Variants in EXT2 observed in about 807,000 individuals in gnomAD.
The protein encoded by EXT2 is exostosin glycosyltransferase 2.
A neutral mutation model predicts 81.6 loss-of-function variants in EXT2; 53 were observed. The ratio of observed to expected loss-of-function variants is 0.65; its 90% CI spans 0.52 to 0.82. The LOEUF (loss-of-function observed/expected upper bound fraction) is 0.82, where lower values mean the gene tolerates loss of function less well. Ranked by LOEUF, EXT2 falls within the 40% of genes least tolerant of loss-of-function variation. The pLI, the probability that EXT2 is intolerant of heterozygous loss-of-function variation, is 0.00. For synonymous variants in EXT2, 320 were observed against 340.0 expected (o/e 0.94, Z 0.65); for missense variants, 774 against 910.2 (o/e 0.85, Z 1.93).
intron 10 of EXT2, among the ~76,000 whole-genome samples, chr11:44,224,735 T>C (rs1214375270): frequency 6.6e-6 from 1 of 152,236 alleles, no homozygotes; most frequent in East Asian, 1.9e-4. Flanking sequence ...AAAGGGGATA[T>C]GCTGTAGTGT....
intron 10 of EXT2, among the ~76,000 whole-genome samples, chr11:44,221,226 C>T (rs1955778599): frequency 6.6e-6 from 1 of 152,074 alleles, no homozygotes; most frequent in African/African-American, 2.4e-5. Flanking sequence ...CCAAGCAGCC[C>T]TAGTGAGGAA....
intron 8 of EXT2, among the ~76,000 whole-genome samples, chr11:44,196,581 T>G (rs1055419052): frequency 6.6e-6 from 1 of 152,168 alleles, no homozygotes; most frequent in Non-Finnish European, 1.5e-5. Flanking sequence ...AATCCTGACC[T>G]TTTTTCCCCC....
chr11:44,127,817 T>C (rs1954431260), intron 6 of EXT2, among the ~76,000 whole-genome samples: 1 of 152,210 alleles, frequency 6.6e-6, no homozygotes, highest in Non-Finnish European at 1.5e-5. Context: ...TGAATTTGCA[T>C]AATGTTGTAG....
intron 6 of EXT2, among the ~76,000 whole-genome samples, chr11:44,128,369 T>C (rs1015647953): frequency 1.3e-5 from 2 of 152,182 alleles, no homozygotes; most frequent in East Asian, 3.9e-4. Flanking sequence ...TCTTCATGCC[T>C]TAGAGAAGCG....
chr11:44,140,784 C>A (rs983142660), intron 7 of EXT2, among the ~76,000 whole-genome samples: 11 of 152,168 alleles, frequency 7.2e-5, no homozygotes, highest in African/African-American at 2.7e-4. Flanking sequence ...TAAGCAAAAT[C>A]CAATGGGCAT....
chr11:44,101,683 G>C (rs772710617), intron 1 of EXT2, among the ~76,000 whole-genome samples: 60 of 152,302 alleles, frequency 3.9e-4, no homozygotes, highest in Admixed American at 9.8e-4. Context: ...AGTGTTGGCT[G>C]TCTTCTGTAG....
intron 3 of EXT2, among the ~76,000 whole-genome samples, chr11:44,111,832 TGA>T (rs1205677201): frequency 2.6e-5 from 4 of 152,216 alleles, no homozygotes; most frequent in Non-Finnish European, 5.9e-5. Context: ...AAATATTGTG[TGA>T]ATCTCTGCAT....
At chr11:44,097,004 G>C (rs1953907529) in intron 1 of EXT2, among the ~76,000 whole-genome samples, 1 of 152,174 alleles carries the variant, frequency 6.6e-6, no homozygotes, top group Non-Finnish European at 1.5e-5. Flanking sequence ...GTGAGGGTAT[G>C]AATGGATAAT....
intron 1 of EXT2, among the ~76,000 whole-genome samples, chr11:44,106,677 T>G (rs1954059591): frequency 6.6e-6 from 1 of 152,246 alleles, no homozygotes; most frequent in African/African-American, 2.4e-5. Context: ...TCACTTGGGC[T>G]GGAGTGCAGT....
At chr11:44,151,399 C>T (rs928304270) in intron 7 of EXT2, among the ~76,000 whole-genome samples, 13 of 152,120 alleles carry the variant, frequency 8.5e-5, no homozygotes, top group Non-Finnish European at 1.5e-4. Flanking sequence ...CTTCTCCCAA[C>T]TCTCGGAAAC....
chr11:44,101,043 G>C (rs1953974221), intron 1 of EXT2, among the ~76,000 whole-genome samples: 1 of 151,938 alleles, frequency 6.6e-6, no homozygotes, highest in Admixed American at 6.6e-5. Flanking sequence ...CAGGAAAGCA[G>C]TTCTTAAGGA....
chr11:44,180,473 A>T (rs979253169), intron 8 of EXT2, among the ~76,000 whole-genome samples: 1 of 152,136 alleles, frequency 6.6e-6, no homozygotes, highest in African/African-American at 2.4e-5. Flanking sequence ...GCAGTTTTCC[A>T]TGTTCCTATC....
rs201062014 is a variant in EXT2, at chr11:44,114,225, C to T, written c.667C>T (p.Arg223Trp). 24 of 1,614,098 alleles carry T rather than the reference C, an allele frequency of 1.5e-5. No homozygotes were observed. Among genetic ancestry groups the T allele is most frequent in the Middle Eastern group, 1.6e-4 (1 of 6,062 alleles). ...TGGCGGCTTTTCTACGTGGACTTAC[C>T]GGCAAGGCTACGATGTCAGCATTCC... ...AGGGFSTWTYRQGYDVSIPVY... is the reference protein window; with the variant it reads ...AGGGFSTWTYWQGYDVSIPVY... Residue 223 changes from arginine to tryptophan, a missense_variant, in exon 4 of 14, where the codon CGG (arginine) becomes TGG (tryptophan). This residue lies in a region of EXT2 where 626 missense variants were observed against 670.5 expected (regional missense o/e 0.93). Coordinates refer to ENST00000533608, the MANE Select transcript of EXT2 (RefSeq NM_207122.2).
chr11:44,218,793 C>CTTT (rs11368525), intron 10 of EXT2, among the ~76,000 whole-genome samples: 1,903 of 92,178 alleles, frequency 0.021, 75 homozygotes, highest in East Asian at 0.042. Flanking sequence ...ATCTGCAATT[C>CTTT]TTTTTTTTTT....
intron 4 of EXT2, among the ~76,000 whole-genome samples, chr11:44,119,126 A>T (rs12421892): frequency 0.59 from 36,341 of 61,246 alleles, 8,143 homozygotes; most frequent in Admixed American, 0.61. Context: ...TTGGCTATTT[A>T]TATATATATA....
chr11:44,194,526 C>T (rs1187766362), intron 8 of EXT2, among the ~76,000 whole-genome samples: 1 of 152,124 alleles, frequency 6.6e-6, no homozygotes, highest in Non-Finnish European at 1.5e-5. Context: ...GAACCATTAC[C>T]GTCTGGTGTT....
intron 10 of EXT2, among the ~76,000 whole-genome samples, chr11:44,218,695 G>A (rs927329074): frequency 6.6e-6 from 1 of 151,440 alleles, no homozygotes; most frequent in African/African-American, 2.4e-5. Flanking sequence ...CCAGAGCTGA[G>A]ATGCTGTATA....
intron 13 of EXT2, among the ~76,000 whole-genome samples, chr11:44,243,881 G>A (rs756353848): frequency 1.1e-4 from 17 of 151,960 alleles, no homozygotes; most frequent in Non-Finnish European, 2.2e-4. Flanking sequence ...TTGCAGGCCC[G>A]TGGCCTCCAA....
intron 13 of EXT2, among the ~76,000 whole-genome samples, chr11:44,240,597 T>C (rs1472520218): frequency 6.6e-6 from 1 of 151,976 alleles, no homozygotes; most frequent in Non-Finnish European, 1.5e-5. Flanking sequence ...TGTCATAGAG[T>C]ATGAAGCCAA....
Sources: allele counts gnomAD v4.1 joint callset (sites outside exome capture counted in the v4.1 genomes callset), GRCh38; gene constraint gnomAD v4.1.1; regional missense constraint gnomAD v4.1.1; transcripts MANE v1.5; gene names NCBI Gene and HGNC (gene_info 2026-07-23, HGNC 2026-07-21).